SNX25: variants seen among roughly 807,000 people sequenced by gnomAD.
The protein encoded by SNX25 is sorting nexin 25.
SNX25 carries 62 observed loss-of-function variants against 113.7 expected under a neutral mutation model. That is an observed-to-expected ratio of 0.55 (90% CI 0.44 to 0.67). SNX25 has a LOEUF of 0.67. Among genes scored for constraint, SNX25 ranks in the 30% least tolerant of loss-of-function variants. The pLI is 0.00. For synonymous variants in SNX25, 421 were observed against 436.2 expected (o/e 0.97, Z 0.43); for missense variants, 1,014 against 1,161.0 (o/e 0.87, Z 1.84).
intron 5 of SNX25, among the ~76,000 whole-genome samples, chr4:185,271,446 G>GTATCTTTAGTAGAGACAGGATTTCA: frequency 6.6e-6 from 1 of 152,202 alleles, no homozygotes; most frequent in South Asian, 2.1e-4. Context: ...CCTAATTTTT[G>GTATCTTTAGTAGAGACAGGATTTCA]CCATGTTGGC....
At chr4:185,333,854 G>A (rs762000936) in intron 10 of SNX25, among the ~76,000 whole-genome samples, 2 of 151,754 alleles carry the variant, frequency 1.3e-5, no homozygotes, top group Non-Finnish European at 2.9e-5. Context: ...GACCAGCCTG[G>A]GCAACATAGG....
At chr4:185,220,811 T>C (rs1739713629) in intron 1 of SNX25, among the ~76,000 whole-genome samples, 1 of 152,104 alleles carries the variant, frequency 6.6e-6, no homozygotes, top group Non-Finnish European at 1.5e-5. Context: ...CTTCTCCTTA[T>C]ACCCCATAGG....
At chr4:185,293,828 T>C (rs1206209303) in intron 6 of SNX25, among the ~76,000 whole-genome samples, 2 of 152,116 alleles carry the variant, frequency 1.3e-5, no homozygotes, top group Admixed American at 6.6e-5. Flanking sequence ...CCATGAGGGA[T>C]TGCAGCACTA....
chr4:185,356,691 T>A (rs755174236), intron 15 of SNX25, among the ~76,000 whole-genome samples: 2 of 152,232 alleles, frequency 1.3e-5, no homozygotes, highest in African/African-American at 4.8e-5. Flanking sequence ...GTACAGAGAC[T>A]TCTGTGAATT....
chr4:185,312,589 A>G (rs1560999610), intron 7 of SNX25, among the ~76,000 whole-genome samples: 1 of 150,086 alleles, frequency 6.7e-6, no homozygotes, highest in Non-Finnish European at 1.5e-5. Context: ...TTGGCGCGAT[A>G]TCGGCTCACT....
chr4:185,297,194 T>G (rs900455208), intron 6 of SNX25, among the ~76,000 whole-genome samples: 1 of 152,208 alleles, frequency 6.6e-6, no homozygotes, highest in African/African-American at 2.4e-5. Context: ...ATGTTACTAT[T>G]TAAATTTAAA....
intron 1 of SNX25, among the ~76,000 whole-genome samples, chr4:185,220,552 G>A (rs1012860262): frequency 2.0e-5 from 3 of 148,516 alleles, no homozygotes; most frequent in African/African-American, 7.4e-5. Context: ...TGCGATCGCG[G>A]CTTACTACAA....
chr4:185,336,727 G>T (rs994822383), intron 10 of SNX25, among the ~76,000 whole-genome samples: 26 of 152,144 alleles, frequency 1.7e-4, no homozygotes, highest in Non-Finnish European at 3.4e-4. Context: ...GCTCTTTAAG[G>T]AATCTCCATA....
rs1360067450 is a variant in SNX25, at chr4:185,360,271, G to T, written c.2652-1653G>T. On this transcript the variant is annotated intron_variant, in intron 16 of 18. Coordinates refer to ENST00000652585, the MANE Select transcript of SNX25 (RefSeq NM_001378034.2). ...ATTTTATATGGTCTAGATTTGAATT[G>T]CACAGTTCCAAGAAAGAGAAGAGTC... 2.6e-5 allele frequency among the ~76,000 whole-genome samples: 4 copies of T among 152,180 alleles called. No homozygotes were observed. In the South Asian group the frequency reaches 8.3e-4, roughly 32 times the overall value.
chr4:185,229,878 G>C (rs1237059720), intron 1 of SNX25, among the ~76,000 whole-genome samples: 7 of 152,086 alleles, frequency 4.6e-5, no homozygotes, highest in African/African-American at 1.7e-4. Flanking sequence ...ACCCAGGCTG[G>C]AGTGCAGTGA....
At chr4:185,233,208 C>T (rs1325135282) in intron 1 of SNX25, among the ~76,000 whole-genome samples, 1 of 152,122 alleles carries the variant, frequency 6.6e-6, no homozygotes, top group Admixed American at 6.5e-5. Context: ...CACTTGAAAC[C>T]TGGAAGGCAG....
chr4:185,370,919 T>G, downstream of SNX25: 1 of 1,239,820 alleles, frequency 8.1e-7, no homozygotes, highest in Non-Finnish European at 1.2e-6. Flanking sequence ...GATTTCTCTC[T>G]ACTGCTTTGA....
chr4:185,268,802 C>A (rs1367358388), intron 5 of SNX25, among the ~76,000 whole-genome samples: 2 of 152,036 alleles, frequency 1.3e-5, no homozygotes, highest in African/African-American at 4.8e-5. Context: ...CTAGGTGTCA[C>A]AAATACATAA....
rs891920011 is a variant in SNX25 at position 185,249,157 on chromosome 4, A to G, written c.514+1779A>G. On this transcript the variant is annotated intron_variant, in intron 2 of 18. Coordinates refer to ENST00000652585, the MANE Select transcript of SNX25 (RefSeq NM_001378034.2). ...GGACATATGTTTTTCTCTTGGATAA[A>G]TAGGAGTAGAATTGCTGAGCCATAG... 2.0e-5 allele frequency among the ~76,000 whole-genome samples: 3 copies of G among 152,202 alleles called. No individual in the cohort carries two copies. The South Asian group carries it at 6.2e-4, about 31-fold the overall frequency.
intron 5 of SNX25, among the ~76,000 whole-genome samples, chr4:185,271,096 G>C (rs1384037066): frequency 2.0e-5 from 3 of 152,158 alleles, no homozygotes; most frequent in African/African-American, 7.2e-5. Context: ...CGCTGCCAAG[G>C]AGTGATGGGA....
At chr4:185,207,210 C>CTTTTTT (rs34373262), upstream of SNX25, among the ~76,000 whole-genome samples, 3 of 76,814 alleles carry the variant, frequency 3.9e-5, no homozygotes, top group Admixed American at 1.8e-4. Context: ...ACCAGTCACA[C>CTTTTTT]TTTTTTTTTT....
intron 8 of SNX25, among the ~76,000 whole-genome samples, chr4:185,322,449 C>G (rs2095127950): frequency 6.6e-6 from 1 of 152,084 alleles, no homozygotes; most frequent in Non-Finnish European, 1.5e-5. Flanking sequence ...GGGGGGGAAG[C>G]ACCAAGAGCA....
At chr4:185,213,630 T>C (rs1260668014) in intron 1 of SNX25, among the ~76,000 whole-genome samples, 1 of 152,180 alleles carries the variant, frequency 6.6e-6, no homozygotes, top group African/African-American at 2.4e-5. Flanking sequence ...TTCTATCTTC[T>C]GCCAGGCCAG....
intron 10 of SNX25, among the ~76,000 whole-genome samples, chr4:185,338,045 T>G (rs2095240876): frequency 1.3e-5 from 2 of 152,164 alleles, no homozygotes; most frequent in Non-Finnish European, 2.9e-5. Context: ...GTTTTAGGAG[T>G]TTTCTATAAT....
Sources: allele counts gnomAD v4.1 joint callset (sites outside exome capture counted in the v4.1 genomes callset), GRCh38; gene constraint gnomAD v4.1.1; transcripts MANE v1.5; gene names NCBI Gene and HGNC (gene_info 2026-07-23, HGNC 2026-07-21).